The following DOT1L variants were observed in gnomAD, a reference collection of about 807,000 sequenced individuals.
DOT1L encodes the protein histone-lysine N-methyltransferase, H3 lysine-79 specific.
A neutral mutation model predicts 153.3 loss-of-function variants in DOT1L; 33 were observed. That is an observed-to-expected ratio of 0.22 (90% CI 0.16 to 0.29). The LOEUF (loss-of-function observed/expected upper bound fraction) is 0.29. Among genes scored for constraint, DOT1L ranks in the 10% least tolerant of loss-of-function variants. The pLI, the probability that DOT1L is intolerant of heterozygous loss-of-function variation, is 1.00. For synonymous variants in DOT1L, 1,135 were observed against 965.1 expected (o/e 1.18, Z -3.26); for missense variants, 1,847 against 2,119.9 (o/e 0.87, Z 2.53).
At chr19:2,200,280 C>G (rs1427856003) in intron 8 of DOT1L, among the ~76,000 whole-genome samples, 3 of 151,902 alleles carry the variant, frequency 2.0e-5, no homozygotes, top group Non-Finnish European at 4.4e-5. Flanking sequence ...GTCTTCCTGT[C>G]TCCATCCATC....
Position 2,170,456 on chromosome 19 carries a change from G to A in DOT1L, c.81+6191G>A, listed in dbSNP as rs186378371. On this transcript the variant is annotated intron_variant, in intron 1 of 27. Coordinates refer to ENST00000398665, the MANE Select transcript of DOT1L (RefSeq NM_032482.3). ...CAACACGGTTCCTCCTGTGCTCTCC[G>A]CAGTCAACACAGAGGAGTTGCGGAA... is the stretch of plus-strand genomic sequence containing the variant. 2.4e-4 allele frequency among the ~76,000 whole-genome samples: 36 copies of A among 152,250 alleles called. No homozygotes were observed. The East Asian group carries it at 6.8e-3, about 29-fold the overall frequency.
intron 27 of DOT1L, 126 bp downstream of exon 27, chr19:2,227,253 C>T (rs773753422): frequency 9.5e-6 from 12 of 1,258,162 alleles, no homozygotes; most frequent in South Asian, 7.3e-5. Context: ...TGCCGGCCGG[C>T]CCCCGCCATC....
intron 8 of DOT1L, among the ~76,000 whole-genome samples, chr19:2,201,418 C>A (rs1212505090): frequency 1.3e-5 from 2 of 152,192 alleles, no homozygotes; most frequent in African/African-American, 4.8e-5. Flanking sequence ...CGCACCCTCG[C>A]TCCTGCTGTC....
intron 26 of DOT1L, 57 bp from the exon 27 acceptor site, chr19:2,226,126 A>G: frequency 6.8e-7 from 1 of 1,476,308 alleles, no homozygotes; most frequent in Non-Finnish European, 9.0e-7. Flanking sequence ...GGTTAGCCTC[A>G]TGGGTAGCCC....
rs920484097 is a variant in DOT1L at position 2,217,740 on chromosome 19, C to G, written c.2545-32C>G. 18 of 1,580,570 alleles carry G rather than the reference C, an allele frequency of 1.1e-5. No individual in the cohort carries two copies. The highest frequency in any genetic ancestry group is 1.5e-5 in the Non-Finnish European group (17 of 1,164,542). ...CCTGTGTCCTGGAGGGGTTTGTTGA[C>G]CCACGACTGGGGGTCGGGCCTTCGT... On this transcript the variant is annotated intron_variant, in intron 21 of 27. Coordinates refer to ENST00000398665, the MANE Select transcript of DOT1L (RefSeq NM_032482.3). This position sits in a 1 kb window ranked among gnomAD's most constrained non-coding sequence, Gnocchi z 7.3.
chr19:2,190,598 C>T lies in DOT1L; in HGVS notation c.265-414C>T, dbSNP rs1376400915. ...GGAGGAAGGCGGGGTCCCACGTAGT[C>T]GAGTCAGATGAGGTGTGGTAGGCTC... On this transcript the variant is annotated intron_variant, in intron 4 of 27. Transcript: ENST00000398665. This position sits in a 1 kb window ranked among gnomAD's most constrained non-coding sequence, Gnocchi z 4.8. 2.0e-5 allele frequency among the ~76,000 whole-genome samples: 3 copies of T among 152,198 alleles called. No individual in the cohort carries two copies. Among genetic ancestry groups the T allele is most frequent in the East Asian group, 1.9e-4 (1 of 5,170 alleles).
rs769583363 is a variant in DOT1L at position 2,226,493 on chromosome 19, G to A, written c.3972G>A (p.Ala1324=). The A allele has an allele frequency of 3.7e-6, 6 of 1,600,668 alleles. No homozygotes were observed. The African/African-American group carries it at 4.0e-5, about 11-fold the overall frequency. ...NGCTFGGGLA[A]DLSLHSFSDG... ...GCACCTTCGGCGGGGGCCTGGCCGC[G>A]GACCTGAGTTTACACAGCTTCAGTG... is the stretch of plus-strand genomic sequence containing the variant. Residue 1324 remains alanine (A), a synonymous_variant, in exon 27 of 28, where the codon GCG becomes GCA. Transcript: ENST00000398665.
Position 2,214,464 on chromosome 19 carries a change from C to G in DOT1L, c.1798-7C>G. On this transcript the variant is annotated splice_region_variant and splice_polypyrimidine_tract_variant and intron_variant, in intron 18 of 27. Transcript: ENST00000398665. The stretch of plus-strand genomic sequence containing the variant: ...CAGTCGCAACTGTCCCATCCCTATC[C>G]CCTCAGCTCAAGGCTCGCTGCGAGG... 1 of 1,612,472 alleles carries G rather than the reference C, an allele frequency of 6.2e-7. No homozygotes were observed. Among genetic ancestry groups the G allele is most frequent in the Non-Finnish European group, 8.5e-7 (1 of 1,179,644 alleles).
At chr19:2,225,264 T>C (rs946627431) in intron 25 of DOT1L, 124 bp from the exon 26 acceptor site, 17 of 924,004 alleles carry the variant, frequency 1.8e-5, no homozygotes, top group Non-Finnish European at 2.9e-5. Context: ...ACGGGTCCCC[T>C]GTCTGGGCCG....
intron 2 of DOT1L, among the ~76,000 whole-genome samples, chr19:2,184,001 G>A (rs961212775): frequency 5.9e-5 from 9 of 152,074 alleles, no homozygotes; most frequent in African/African-American, 2.2e-4. Flanking sequence ...TTTGCCTATC[G>A]GCCATGCCCC....
chr19:2,185,106 A>T (rs1198436656), intron 2 of DOT1L, among the ~76,000 whole-genome samples: 1 of 152,116 alleles, frequency 6.6e-6, no homozygotes, highest in Non-Finnish European at 1.5e-5. Flanking sequence ...GGGTTTCTCC[A>T]TGTTGGTCAG....
intron 27 of DOT1L, chr19:2,228,163 C>T: frequency 7.3e-7 from 1 of 1,364,796 alleles, no homozygotes; most frequent in Non-Finnish European, 9.8e-7. Flanking sequence ...AAGCTCACCT[C>T]CCTCCCGCAC....
intron 1 of DOT1L, among the ~76,000 whole-genome samples, chr19:2,168,459 G>C (rs913210176): frequency 2.0e-5 from 3 of 152,230 alleles, no homozygotes; most frequent in African/African-American, 7.2e-5. Context: ...GGGCCATCCG[G>C]AGGAGGAAGC....
In DOT1L at chr19:2,193,812, T is replaced by A; in HGVS notation, c.588+29T>A. The A allele has an allele frequency of 6.2e-7, 1 of 1,607,332 alleles. No homozygotes were observed. Among genetic ancestry groups the A allele is most frequent in the Non-Finnish European group, 8.5e-7 (1 of 1,175,878 alleles). On this transcript the variant is annotated intron_variant, in intron 6 of 27. Coordinates refer to ENST00000398665, the MANE Select transcript of DOT1L (RefSeq NM_032482.3). The surrounding 1 kb of genome is among the most constrained non-coding windows in gnomAD (Gnocchi z 5.9). ...AGCGGATCTGAGGGCCAGGGTGTGT[T>A]GGAGGCAGGGGACCATCAGAGAAAG...
intron 1 of DOT1L, among the ~76,000 whole-genome samples, chr19:2,169,756 G>T (rs1451332079): frequency 6.6e-6 from 1 of 152,202 alleles, no homozygotes; most frequent in South Asian, 2.1e-4. Flanking sequence ...GTCCTCAAAT[G>T]TGGCCCAAAT....
At chr19:2,201,085 TCATTCCTCGTCCTCCCCG>T (rs1287994403) in intron 8 of DOT1L, among the ~76,000 whole-genome samples, 1,365 of 74,632 alleles carry the variant, frequency 0.018, 48 homozygotes, top group Non-Finnish European at 0.024. Flanking sequence ...CGTCGTCCCC[TCATTCCTCGTCCTCCCCG>T]CATTCCTCGT....
chr19:2,217,162 G>A lies in DOT1L; in HGVS notation c.2544+72G>A. 6.7e-7 allele frequency: 1 copy of A among 1,484,914 alleles called. No homozygotes were observed. Among genetic ancestry groups the A allele is most frequent in the Non-Finnish European group, 8.9e-7 (1 of 1,120,642 alleles). 92.0% of individuals were successfully genotyped at this position (1,484,914 alleles called of 1,614,324 possible). The stretch of plus-strand genomic sequence containing the variant: ...AGGCGGCCTGAGCGAGTTGCTAGCA[G>A]GAGGGCTTGTCCTAGTTGACCTTGG... On this transcript the variant is annotated intron_variant, in intron 21 of 27. Coordinates refer to ENST00000398665, the MANE Select transcript of DOT1L (RefSeq NM_032482.3). The surrounding 1 kb of genome is among the most constrained non-coding windows in gnomAD (Gnocchi z 7.3).
At position 2,230,815 on chromosome 19, in the gene DOT1L, C is replaced by A; in HGVS notation, c.*1023C>A. 1 of 377,658 alleles carries A rather than the reference C, an allele frequency of 2.6e-6. No individual in the cohort carries two copies. The highest frequency in any genetic ancestry group is 4.7e-6 in the Non-Finnish European group (1 of 212,962). The allele number at this position is 377,658 out of a possible 1,614,324, so 23.4% of individuals were successfully genotyped here. On this transcript the variant is annotated 3_prime_UTR_variant, in exon 28 of 28. Coordinates refer to ENST00000398665, the MANE Select transcript of DOT1L (RefSeq NM_032482.3). ...GCGTCAGCCCCGACCCTAGACCCCT[C>A]AGTTGCAGCTCCCAGCAGCCCAGAC...
rs191575628 is a variant in DOT1L, at chr19:2,207,081, C to T, written c.856+284C>T. On this transcript the variant is annotated intron_variant, in intron 10 of 27. Coordinates refer to ENST00000398665, the MANE Select transcript of DOT1L (RefSeq NM_032482.3). This position sits in a 1 kb window ranked among gnomAD's most constrained non-coding sequence, Gnocchi z 4.5. Reference sequence around the variant, plus strand: ...GGGAGACCCCGGCTTCGAGGGGAGGCGTGAAGGATTTACAGGACTTTTGTG... The same window carrying T: ...GGGAGACCCCGGCTTCGAGGGGAGGTGTGAAGGATTTACAGGACTTTTGTG... Among the ~76,000 whole-genome samples the T allele has an allele frequency of 7.2e-5, 11 of 152,312 alleles. No homozygotes were observed. The East Asian group carries it at 1.2e-3, about 16-fold the overall frequency.
Sources: gnomAD v4.1 joint callset for allele counts (sites outside exome capture counted in the v4.1 genomes callset) on GRCh38, gnomAD v4.1.1 for gene constraint, Gnocchi (gnomAD v3.1) non-coding constraint, MANE v1.5 for transcripts, NCBI Gene and HGNC (gene_info 2026-07-23, HGNC 2026-07-21) for gene names.